TLK2: variants seen among roughly 807,000 people sequenced by gnomAD.
TLK2 encodes serine/threonine-protein kinase tousled-like 2.
A neutral mutation model predicts 117.3 loss-of-function variants in TLK2; 6 were observed. The observed-to-expected ratio is 0.05, with a 90% CI of 0.03 to 0.10. The LOEUF (loss-of-function observed/expected upper bound fraction) is 0.10, where lower values mean the gene tolerates loss of function less well. TLK2 is among the 10% of genes least tolerant of loss of function. TLK2 has a pLI of 1.00. For missense variants in TLK2, 299 were observed against 901.2 expected, an observed-to-expected ratio of 0.33 and a Z score of 8.56; for synonymous variants, 257 against 316.7, an observed-to-expected ratio of 0.81 and a Z score of 2.00.
chr17:62,473,417 CTAATA>C (rs1231859486), intron 1 of TLK2, among the ~76,000 whole-genome samples: 2 of 152,198 alleles, frequency 1.3e-5, no homozygotes, highest in African/African-American at 4.8e-5. Context: ...AATCACTAAA[CTAATA>C]TAACACGCTA....
At chr17:62,529,749 CATT>C (rs981240655) in intron 6 of TLK2, among the ~76,000 whole-genome samples, 5 of 152,040 alleles carry the variant, frequency 3.3e-5, no homozygotes, top group African/African-American at 4.8e-5. Flanking sequence ...TTAGATATAT[CATT>C]GTTTAATGTG....
chr17:62,591,318 G>A (rs2082063816), intron 16 of TLK2, among the ~76,000 whole-genome samples: 1 of 151,634 alleles, frequency 6.6e-6, no homozygotes, highest in African/African-American at 2.4e-5. Flanking sequence ...AGTGCTCTTA[G>A]CACTCTGTGT....
At chr17:62,543,473 A>G (rs988442850) in intron 7 of TLK2, among the ~76,000 whole-genome samples, 7 of 152,098 alleles carry the variant, frequency 4.6e-5, no homozygotes, top group South Asian at 2.1e-4. Flanking sequence ...GTACATTCCA[A>G]TTTCTCCATG....
intron 6 of TLK2, among the ~76,000 whole-genome samples, chr17:62,527,588 CT>C (rs1410304030): frequency 9.9e-5 from 15 of 152,086 alleles, no homozygotes; most frequent in African/African-American, 3.4e-4. Flanking sequence ...TGTCTAGCTC[CT>C]TTTGTTGCAC....
At chr17:62,481,348 C>T in intron 2 of TLK2, 142 bp downstream of exon 2, 4 of 802,762 alleles carry the variant, frequency 5.0e-6, no homozygotes, top group Non-Finnish European at 7.9e-6. Flanking sequence ...ACTTTTAGAT[C>T]CTACTGGTCA....
intron 2 of TLK2, among the ~76,000 whole-genome samples, chr17:62,518,358 A>G (rs1316310272): frequency 1.3e-5 from 2 of 152,196 alleles, no homozygotes; most frequent in African/African-American, 4.8e-5. Context: ...AGGAAGATAA[A>G]ACCTTGTTAT....
intron 2 of TLK2, 136 bp downstream of exon 2, chr17:62,481,342 T>G (rs549285912): frequency 1.1e-6 from 1 of 873,052 alleles, no homozygotes; most frequent in African/African-American, 1.7e-5. Context: ...CAGTGAACTT[T>G]TAGATCCTAC....
intron 7 of TLK2, among the ~76,000 whole-genome samples, chr17:62,548,618 A>G (rs2078143774): frequency 6.6e-6 from 1 of 152,006 alleles, no homozygotes; most frequent in Non-Finnish European, 1.5e-5. Context: ...TCACTACATC[A>G]CTTTCTAACA....
intron 11 of TLK2, among the ~76,000 whole-genome samples, chr17:62,569,812 T>C (rs2080127654): frequency 6.6e-6 from 1 of 152,172 alleles, no homozygotes; most frequent in African/African-American, 2.4e-5. Flanking sequence ...GTACCCGCAT[T>C]TCAGTTCCTG....
chr17:62,524,378 A>T (rs866682151), intron 6 of TLK2, 47 bp downstream of exon 6: 1 of 1,561,612 alleles, frequency 6.4e-7, no homozygotes, highest in Middle Eastern at 1.7e-4. Flanking sequence ...AGGAGACAAG[A>T]TGCCCAGAAA....
chr17:62,589,465 A>C (rs922484573), intron 16 of TLK2, among the ~76,000 whole-genome samples: 7 of 152,202 alleles, frequency 4.6e-5, no homozygotes, highest in African/African-American at 7.2e-5. Context: ...TTTGTAGTGC[A>C]TGGATCTCTT....
intron 2 of TLK2, among the ~76,000 whole-genome samples, chr17:62,503,096 C>T (rs1382935978): frequency 8.1e-6 from 1 of 123,492 alleles, no homozygotes; most frequent in African/African-American, 3.1e-5. Context: ...GTCTCGCTCT[C>T]TCGCCCAGGC....
At chr17:62,586,253 T>A (rs777639650) in intron 16 of TLK2, 27 bp downstream of exon 16, 8 of 1,520,192 alleles carry the variant, frequency 5.3e-6, no homozygotes, top group Admixed American at 5.2e-5. Context: ...TGTCTGACTT[T>A]TTAAAATTAA....
At chr17:62,475,990 A>G (rs1659936550), upstream of TLK2, among the ~76,000 whole-genome samples, 1 of 140,730 alleles carries the variant, frequency 7.1e-6, no homozygotes, top group African/African-American at 2.7e-5. Context: ...TATTATCATT[A>G]TTTTTGAGAC....
Position 62,576,733 on chromosome 17 carries a change from A to G in TLK2, c.1146A>G (p.Glu382=). Residue 382 remains glutamate (E), a synonymous_variant, in exon 13 of 22, where the codon GAA becomes GAG. Coordinates refer to ENST00000346027, the MANE Select transcript of TLK2 (RefSeq NM_006852.6). ...NETLTLAEYH[E]QEEIFKLRLG... is the part of the protein sequence containing the mutation. Reference sequence around the variant, plus strand: ...GGTTAACGTTAGCAGAATACCATGAACAAGAAGAAATCTTCAAACTCAGAT... The same window carrying G: ...GGTTAACGTTAGCAGAATACCATGAGCAAGAAGAAATCTTCAAACTCAGAT... The G allele has an allele frequency of 6.2e-7, 1 of 1,613,576 alleles. No homozygotes were observed. Among genetic ancestry groups the G allele is most frequent in the Non-Finnish European group, 8.5e-7 (1 of 1,179,638 alleles).
intron 7 of TLK2, among the ~76,000 whole-genome samples, chr17:62,540,368 C>T (rs1380013804): frequency 9.4e-6 from 1 of 106,226 alleles, no homozygotes; most frequent in African/African-American, 3.0e-5. Flanking sequence ...ATCAGTAAAG[C>T]TTATTGATTT....
At chr17:62,516,874 A>G in intron 2 of TLK2, 1 of 703,606 alleles carries the variant, frequency 1.4e-6, no homozygotes, top group Non-Finnish European at 2.4e-6. Context: ...TAATGGTCCA[A>G]CTTTCATTTC....
chr17:62,481,587 A>G (rs552211975), intron 2 of TLK2, among the ~76,000 whole-genome samples: 1 of 152,340 alleles, frequency 6.6e-6, no homozygotes, highest in Non-Finnish European at 1.5e-5. Context: ...AGGTAGTTAC[A>G]TGGTAGAGTA....
At chr17:62,527,914 T>G (rs2076484944) in intron 6 of TLK2, among the ~76,000 whole-genome samples, 1 of 152,128 alleles carries the variant, frequency 6.6e-6, no homozygotes, top group South Asian at 2.1e-4. Flanking sequence ...AGCTAATTTT[T>G]GTATTTTTAG....
Sources: allele counts gnomAD v4.1 joint callset (sites outside exome capture counted in the v4.1 genomes callset), GRCh38; gene constraint gnomAD v4.1.1; transcripts MANE v1.5; gene names NCBI Gene and HGNC (gene_info 2026-07-23, HGNC 2026-07-21).